RANBP10: variants seen among roughly 807,000 people sequenced by gnomAD.
RANBP10 encodes RAN binding protein 10, also known as ran-binding protein 10.
In RANBP10, 24 loss-of-function variants were observed where a neutral mutation model predicts 72.8. The observed-to-expected ratio is 0.33, with a 90% CI of 0.24 to 0.46. The LOEUF (loss-of-function observed/expected upper bound fraction) is 0.46. RANBP10 is among the 20% of genes least tolerant of loss of function. RANBP10 has a pLI of 1.00. For missense variants in RANBP10, 679 were observed against 817.5 expected, an observed-to-expected ratio of 0.83 and a Z score of 2.07; for synonymous variants, 310 against 322.3, an observed-to-expected ratio of 0.96 and a Z score of 0.41.
chr16:67,733,605 A>C (rs1372092493), intron 6 of RANBP10, among the ~76,000 whole-genome samples: 1 of 152,226 alleles, frequency 6.6e-6, no homozygotes, highest in Non-Finnish European at 1.5e-5. Flanking sequence ...CAGTACACAA[A>C]TTATATGCAG....
At chr16:67,779,604 G>T (rs902270541) in intron 2 of RANBP10, among the ~76,000 whole-genome samples, 4 of 152,004 alleles carry the variant, frequency 2.6e-5, no homozygotes, top group Admixed American at 6.6e-5. Context: ...ATCTCTGCAG[G>T]CACCTGAATA....
intron 3 of RANBP10, among the ~76,000 whole-genome samples, chr16:67,750,498 T>C (rs1265953942): frequency 6.6e-6 from 1 of 151,978 alleles, no homozygotes; most frequent in Non-Finnish European, 1.5e-5. Flanking sequence ...CCATGCCCCC[T>C]CCCCCAAGAT....
intron 2 of RANBP10, 119 bp downstream of exon 2, chr16:67,805,309 C>G (rs1597939009): frequency 1.2e-6 from 1 of 819,692 alleles, no homozygotes. Flanking sequence ...ATAATGGCAG[C>G]CCAGACCCAT....
chr16:67,759,351 A>C (rs905737714), intron 3 of RANBP10, among the ~76,000 whole-genome samples: 36 of 152,222 alleles, frequency 2.4e-4, no homozygotes, highest in Non-Finnish European at 2.9e-5. Flanking sequence ...TGCTCCAGCT[A>C]ATTCAGAGAC....
chr16:67,765,488 T>C (rs1055602393), intron 3 of RANBP10, among the ~76,000 whole-genome samples: 26 of 151,654 alleles, frequency 1.7e-4, no homozygotes, highest in African/African-American at 6.1e-4. Context: ...GATTGTGCCA[T>C]TGCACTCCAG....
chr16:67,758,634 T>A (rs1051223014), intron 3 of RANBP10, among the ~76,000 whole-genome samples: 1 of 152,180 alleles, frequency 6.6e-6, no homozygotes, highest in Non-Finnish European at 1.5e-5. Flanking sequence ...CCTCACCCAG[T>A]ACAATTGAGA....
At chr16:67,774,851 C>A (rs1170030302) in intron 2 of RANBP10, among the ~76,000 whole-genome samples, 1 of 152,194 alleles carries the variant, frequency 6.6e-6, no homozygotes, top group Non-Finnish European at 1.5e-5. Flanking sequence ...AACTTAAAGA[C>A]TATCATCCAA....
chr16:67,781,284 T>G (rs2054804839), intron 2 of RANBP10, among the ~76,000 whole-genome samples: 1 of 152,188 alleles, frequency 6.6e-6, no homozygotes, highest in Non-Finnish European at 1.5e-5. Context: ...CCTGTTTACT[T>G]GAGATTACCA....
intron 2 of RANBP10, among the ~76,000 whole-genome samples, chr16:67,791,421 G>A (rs946998956): frequency 2.1e-4 from 32 of 152,290 alleles, no homozygotes; most frequent in African/African-American, 7.0e-4. Flanking sequence ...GGGGCTCGAC[G>A]TTTTAAATTT....
chr16:67,739,408 T>C (rs2053922394), intron 4 of RANBP10, among the ~76,000 whole-genome samples: 1 of 152,164 alleles, frequency 6.6e-6, no homozygotes, highest in Admixed American at 6.6e-5. Context: ...TGGGGCTGGA[T>C]TTGTTCCTAG....
At chr16:67,785,828 C>G (rs538583013) in intron 2 of RANBP10, among the ~76,000 whole-genome samples, 1 of 150,922 alleles carries the variant, frequency 6.6e-6, no homozygotes, top group East Asian at 1.9e-4. Context: ...AGATCGAGAC[C>G]ATCCTGGCTA....
Position 67,744,102 on chromosome 16 carries a change from T to C in RANBP10, c.568+186A>G, listed in dbSNP as rs138760697. 2.0e-3 allele frequency: 2,015 copies of C among 985,438 alleles called. 7 individuals carry two copies. Among genetic ancestry groups the C allele is most frequent in the Non-Finnish European group, 2.3e-3 (1,897 of 829,918 alleles). 61.0% of individuals were successfully genotyped at this position (985,438 alleles called of 1,614,324 possible). A position where few individuals can be genotyped will look rare whatever the true frequency, so the allele number is the denominator to read the frequency against. ...CCTGGGCTGGATAAACGCAGCTGAC[T>C]GGCTGGATGAACAAAGGCGTGCCCC... is the stretch of plus-strand genomic sequence containing the variant. On this transcript the variant is annotated intron_variant, in intron 4 of 13. Coordinates refer to ENST00000317506, the MANE Select transcript of RANBP10 (RefSeq NM_020850.3).
At chr16:67,783,641 C>G (rs559950054) in intron 2 of RANBP10, among the ~76,000 whole-genome samples, 1 of 152,172 alleles carries the variant, frequency 6.6e-6, no homozygotes, top group Non-Finnish European at 1.5e-5. Flanking sequence ...CAGCTTTGAC[C>G]TAGACTTCAA....
At chr16:67,747,353 T>A (rs2054102486) in intron 3 of RANBP10, among the ~76,000 whole-genome samples, 1 of 152,252 alleles carries the variant, frequency 6.6e-6, no homozygotes, top group African/African-American at 2.4e-5. Flanking sequence ...TTTTTTCAAA[T>A]TTTTAACTCA....
At chr16:67,733,233 G>C (rs2053770472) in intron 6 of RANBP10, among the ~76,000 whole-genome samples, 1 of 151,832 alleles carries the variant, frequency 6.6e-6, no homozygotes, top group Non-Finnish European at 1.5e-5. Context: ...AGGTGTGGTG[G>C]TGCATGCCTA....
intron 11 of RANBP10, 64 bp downstream of exon 11, chr16:67,728,326 G>A (rs2053649993): frequency 6.4e-7 from 1 of 1,562,652 alleles, no homozygotes; most frequent in Non-Finnish European, 8.8e-7. Flanking sequence ...CCCCTCCCAG[G>A]GGAAGAGGGC....
At position 67,772,090 on chromosome 16, in the gene RANBP10, C is replaced by CAAAAAAAAAAAAAAAAAAAA; in HGVS notation, c.348-24_348-5dup. ...CGAGAGTCCTATTCCCATGTAACTTCAAAAAAAAAAAAAAAAAAAACACAA... is the reference window on the plus strand; with the variant it reads ...CGAGAGTCCTATTCCCATGTAACTTCAAAAAAAAAAAAAAAAAAAAAAAAAAAAAAAAAAAAAAAACACAA... On this transcript the variant is annotated splice_polypyrimidine_tract_variant and splice_region_variant and intron_variant, in intron 2 of 13. Transcript: ENST00000317506. The CAAAAAAAAAAAAAAAAAAAA allele has an allele frequency of 1.5e-6, 2 of 1,312,736 alleles. No individual in the cohort carries two copies. The highest frequency in any genetic ancestry group is 1.9e-5 in the African/African-American group (1 of 53,152). 81.3% of individuals were successfully genotyped at this position (1,312,736 alleles called of 1,614,324 possible). A position where few individuals can be genotyped will look rare whatever the true frequency, so the allele number is the denominator to read the frequency against.
chr16:67,793,947 A>G lies in RANBP10; in HGVS notation c.347+11481T>C, dbSNP rs372403894. On this transcript the variant is annotated intron_variant, in intron 2 of 13. Transcript: ENST00000317506. ...CACACTGGAATGCAGTAGCTCAATCATAGCTCACTGTAGCCTCAAACTCCT... is the reference window on the plus strand; with the variant it reads ...CACACTGGAATGCAGTAGCTCAATCGTAGCTCACTGTAGCCTCAAACTCCT... Among the ~76,000 whole-genome samples, 73 of 151,976 alleles carry G rather than the reference A, an allele frequency of 4.8e-4. No homozygotes were observed. The East Asian group carries it at 0.014, about 30-fold the overall frequency.
At chr16:67,800,409 TG>T (rs1377603401) in intron 2 of RANBP10, among the ~76,000 whole-genome samples, 2 of 152,132 alleles carry the variant, frequency 1.3e-5, no homozygotes, top group African/African-American at 4.8e-5. Context: ...GCTGGGATGA[TG>T]TTACAGTCTA....
Sources: gnomAD v4.1 joint callset for allele counts (sites outside exome capture counted in the v4.1 genomes callset) on GRCh38, gnomAD v4.1.1 for gene constraint, MANE v1.5 for transcripts, NCBI Gene and HGNC (gene_info 2026-07-23, HGNC 2026-07-21) for gene names.